The following ASCC1 variants were observed in gnomAD, a reference collection of about 807,000 sequenced individuals.
ASCC1 encodes ASC-1 complex subunit P50.
In ASCC1, 35 loss-of-function variants were observed where a neutral mutation model predicts 46.6. The observed-to-expected ratio is 0.75, with a 90% CI of 0.57 to 0.99. The LOEUF (loss-of-function observed/expected upper bound fraction) is 0.99. ASCC1 is among the 50% of genes least tolerant of loss of function. The pLI, the probability that ASCC1 is intolerant of heterozygous loss-of-function variation, is 0.00. For missense variants in ASCC1, 376 were observed against 428.7 expected (o/e 0.88, Z 1.09); for synonymous variants, 143 against 146.6 (o/e 0.98, Z 0.18).
intron 2 of ASCC1, 33 bp downstream of exon 2, chr10:72,213,154 C>T (rs1395462917): frequency 5.5e-6 from 8 of 1,454,362 alleles, no homozygotes; most frequent in Non-Finnish European, 7.7e-6. Flanking sequence ...GGACATTTTA[C>T]TTCTTATCTG....
At chr10:72,136,215 G>C (rs1351105608) in intron 7 of ASCC1, among the ~76,000 whole-genome samples, 1 of 151,998 alleles carries the variant, frequency 6.6e-6, no homozygotes, top group Non-Finnish European at 1.5e-5. Context: ...GGTTGAATGG[G>C]GGACTTGGAG....
At chr10:72,211,461 T>G (rs536363861) in intron 2 of ASCC1, among the ~76,000 whole-genome samples, 1 of 152,058 alleles carries the variant, frequency 6.6e-6, no homozygotes, top group South Asian at 2.1e-4. Context: ...TGATGGTACA[T>G]GCCTGTAAGT....
At chr10:72,157,092 C>A (rs1428147075) in intron 6 of ASCC1, among the ~76,000 whole-genome samples, 1 of 152,158 alleles carries the variant, frequency 6.6e-6, no homozygotes, top group African/African-American at 2.4e-5. Context: ...CAGGCATGAG[C>A]CACTGCGCCC....
At chr10:72,122,669 T>C (rs1249629581) in intron 9 of ASCC1, among the ~76,000 whole-genome samples, 1 of 151,414 alleles carries the variant, frequency 6.6e-6, no homozygotes, top group African/African-American at 2.4e-5. Context: ...TCTCAGCTAC[T>C]TGGGAGGCTG....
rs771561862 is a variant in ASCC1, at chr10:72,153,039, CTATTT to C, written c.627-56_627-52del. 8.7e-6 allele frequency: 14 copies of C among 1,610,826 alleles called. No individual in the cohort carries two copies. The East Asian group carries it at 2.7e-4, about 31-fold the overall frequency. On this transcript the variant is annotated intron_variant, in intron 6 of 9. Transcript: ENST00000672957. ...TCTATAACTGTTTAAGCTAAGAGGG[CTATTT>C]TATTTTGAAACATGGTTAATACACA...
Position 72,146,859 on chromosome 10 carries a change from AAAGTT to A in ASCC1, c.746+6005_746+6009del, listed in dbSNP as rs140324056. Among the ~76,000 whole-genome samples, 435 of 152,202 alleles carry A rather than the reference AAAGTT, an allele frequency of 2.9e-3. 3 individuals are homozygous for A. Among genetic ancestry groups the A allele is most frequent in the African/African-American group, 1.0e-2 (414 of 41,522 alleles). ...TACTACATATGAAAGCATACCAAAAAAAGTTAAGTGCTTGTATCTTCATTACATGT... is the reference window on the plus strand; with the variant it reads ...TACTACATATGAAAGCATACCAAAAAAAGTGCTTGTATCTTCATTACATGT... On this transcript the variant is annotated intron_variant, in intron 7 of 9. Transcript: ENST00000672957.
At chr10:72,207,178 G>A (rs754740613) in intron 3 of ASCC1, among the ~76,000 whole-genome samples, 2 of 152,098 alleles carry the variant, frequency 1.3e-5, no homozygotes, top group South Asian at 2.1e-4. Flanking sequence ...TTTGGGAGGC[G>A]AGGCAGGCAG....
At chr10:72,200,929 A>G (rs1856407758) in intron 4 of ASCC1, among the ~76,000 whole-genome samples, 1 of 152,136 alleles carries the variant, frequency 6.6e-6, no homozygotes, top group Non-Finnish European at 1.5e-5. Context: ...ATTAATCAGA[A>G]TTCAGTAAAA....
intron 6 of ASCC1, among the ~76,000 whole-genome samples, chr10:72,155,248 G>A (rs180690658): frequency 2.0e-5 from 3 of 152,184 alleles, no homozygotes; most frequent in Admixed American, 2.0e-4. Context: ...TTTGAACTAT[G>A]TAAATGTATT....
upstream of ASCC1, chr10:72,217,008 A>G (rs1859471961): frequency 2.2e-6 from 1 of 454,684 alleles, no homozygotes; most frequent in African/African-American, 2.0e-5. Flanking sequence ...CTCCTGCATG[A>G]CCTTTGCTGA....
In ASCC1 at chr10:72,097,008, TTAACAG is replaced by T. The variant is rs1319230855; in HGVS notation, c.*320_*325del. 2.2e-6 allele frequency: 1 copy of T among 459,086 alleles called. No individual in the cohort carries two copies. The highest frequency in any genetic ancestry group is 6.8e-5 in the East Asian group (1 of 14,780). 28.4% of individuals were successfully genotyped at this position (459,086 alleles called of 1,614,324 possible). On this transcript the variant is annotated 3_prime_UTR_variant, in exon 10 of 10. Coordinates refer to ENST00000672957, the MANE Select transcript of ASCC1 (RefSeq NM_001198800.3). ...ACGGCCACACAGCATTATGAATGTATTAACAGTTAACGTTACTGAACTGTGCACTTA... is the reference window on the plus strand; with the variant it reads ...ACGGCCACACAGCATTATGAATGTATTTAACGTTACTGAACTGTGCACTTA...
At chr10:72,163,813 C>T (rs112324537) in intron 5 of ASCC1, among the ~76,000 whole-genome samples, 4 of 151,988 alleles carry the variant, frequency 2.6e-5, no homozygotes, top group African/African-American at 7.2e-5. Context: ...AGGTGAAATT[C>T]ACATAATATA....
intron 7 of ASCC1, among the ~76,000 whole-genome samples, chr10:72,150,460 G>C (rs1848195279): frequency 6.6e-6 from 1 of 152,076 alleles, no homozygotes; most frequent in Non-Finnish European, 1.5e-5. Flanking sequence ...TAAATAAAAA[G>C]ACCACACAAA....
At chr10:72,210,199 G>A (rs910520103) in intron 3 of ASCC1, among the ~76,000 whole-genome samples, 2 of 135,254 alleles carry the variant, frequency 1.5e-5, no homozygotes, top group East Asian at 4.3e-4. Context: ...CACTCTTGTT[G>A]CCCAGGCTGC....
chr10:72,168,779 C>A (rs894182547), intron 5 of ASCC1, among the ~76,000 whole-genome samples: 1 of 152,126 alleles, frequency 6.6e-6, no homozygotes, highest in African/African-American at 2.4e-5. Flanking sequence ...GAGAAACAGT[C>A]GCATGAGGAC....
At chr10:72,207,728 C>T (rs546988431) in intron 3 of ASCC1, among the ~76,000 whole-genome samples, 3 of 152,232 alleles carry the variant, frequency 2.0e-5, no homozygotes, top group Admixed American at 6.6e-5. Context: ...CAATATTAGG[C>T]TCTGATTATA....
chr10:72,155,567 G>A (rs1848855875), intron 6 of ASCC1, among the ~76,000 whole-genome samples: 2 of 152,074 alleles, frequency 1.3e-5, no homozygotes. Flanking sequence ...ACACCTCAAA[G>A]GAAAAACATA....
chr10:72,203,152 G>A (rs113697529), intron 4 of ASCC1, among the ~76,000 whole-genome samples: 8,417 of 152,022 alleles, frequency 0.055, 787 homozygotes, highest in African/African-American at 0.19. Flanking sequence ...CAGGCGTGGT[G>A]GCACATGCCT....
chr10:72,181,651 G>A lies in ASCC1; in HGVS notation c.489+15160C>T, dbSNP rs183292129. ...AAAACTGAAGCAGAGAAAAAAAAAC[G>A]TCTGGACAGAATCTCAGTAACTTGT... On this transcript the variant is annotated intron_variant, in intron 5 of 9. Coordinates refer to ENST00000672957, the MANE Select transcript of ASCC1 (RefSeq NM_001198800.3). Among the ~76,000 whole-genome samples, 101 of 151,186 alleles carry A rather than the reference G, an allele frequency of 6.7e-4. 2 individuals are homozygous for A. In the East Asian group the frequency reaches 0.014, roughly 22 times the overall value.
Sources: gnomAD v4.1 joint callset for allele counts (sites outside exome capture counted in the v4.1 genomes callset) on GRCh38, gnomAD v4.1.1 for gene constraint, MANE v1.5 for transcripts, NCBI Gene and HGNC (gene_info 2026-07-23, HGNC 2026-07-21) for gene names.